The following SLC25A18 variants were observed in gnomAD, a reference collection of about 807,000 sequenced individuals.
SLC25A18 encodes mitochondrial glutamate carrier 2.
A neutral mutation model predicts 31.1 loss-of-function variants in SLC25A18; 24 were observed. That is an observed-to-expected ratio of 0.77 (90% CI 0.56 to 1.08). SLC25A18 has a LOEUF of 1.08. SLC25A18 is among the 50% of genes least tolerant of loss of function. The pLI is 0.00. For synonymous variants in SLC25A18, 173 were observed against 161.9 expected, an observed-to-expected ratio of 1.07 and a Z score of -0.52; for missense variants, 371 against 418.5, an observed-to-expected ratio of 0.89 and a Z score of 0.99.
chr22:17,563,744 C>T (rs2056864733), intron 1 of SLC25A18, 31 bp downstream of exon 1: 1 of 984,986 alleles, frequency 1.0e-6, no homozygotes, highest in South Asian at 4.7e-5. Context: ...CACCGTGAGC[C>T]TTGTACTTTG....
intron 10 of SLC25A18, 25 bp from the exon 11 acceptor site, chr22:17,590,070 C>T: frequency 6.2e-7 from 1 of 1,613,132 alleles, no homozygotes; most frequent in Non-Finnish European, 8.5e-7. Flanking sequence ...TGCCCATCAG[C>T]TCACTGGCTC....
chr22:17,576,118 C>G (rs1257974505), intron 2 of SLC25A18, among the ~76,000 whole-genome samples: 1 of 152,116 alleles, frequency 6.6e-6, no homozygotes, highest in Admixed American at 6.6e-5. Flanking sequence ...CTTTGGGAGG[C>G]TGAGGCGGGC....
intron 1 of SLC25A18, among the ~76,000 whole-genome samples, chr22:17,565,114 C>T (rs1041123524): frequency 6.6e-6 from 1 of 151,992 alleles, no homozygotes; most frequent in South Asian, 2.1e-4. Flanking sequence ...CAGTCTTGCT[C>T]TGTCACCCAG....
chr22:17,580,786 G>A (rs1204875007), intron 3 of SLC25A18: 1 of 1,261,998 alleles, frequency 7.9e-7, no homozygotes, highest in African/African-American at 1.5e-5. Context: ...GGCAGAGCTG[G>A]GCTCCTCCCA....
intron 7 of SLC25A18, 130 bp downstream of exon 7, chr22:17,583,664 C>T (rs1308126635): frequency 9.2e-6 from 12 of 1,304,310 alleles, no homozygotes; most frequent in Middle Eastern, 2.1e-4. Flanking sequence ...AAGTTTTTGG[C>T]CAGGCATGGT....
intron 8 of SLC25A18, 182 bp from the exon 9 acceptor site, chr22:17,587,742 TG>T: frequency 1.5e-6 from 1 of 681,058 alleles, no homozygotes; most frequent in Non-Finnish European, 2.4e-6. Flanking sequence ...GCGGAACAGA[TG>T]GCAACAGCTC....
At chr22:17,574,543 G>A (rs1296826787) in intron 2 of SLC25A18, among the ~76,000 whole-genome samples, 2 of 147,682 alleles carry the variant, frequency 1.4e-5, no homozygotes, top group Non-Finnish European at 3.0e-5. Flanking sequence ...TTGAGATGGA[G>A]TCTTGCTCTG....
In SLC25A18 at chr22:17,589,767, G is replaced by A. The variant is rs535882114; in HGVS notation, c.806+102G>A. ...GACCAACTTGAATTGCTGGGCTCTG[G>A]GTTTCTTTGAAGTCTGTCTTTCCCT... is the stretch of plus-strand genomic sequence containing the variant. On this transcript the variant is annotated intron_variant, in intron 10 of 10. Transcript: ENST00000327451. The A allele has an allele frequency of 3.8e-5, 43 of 1,145,610 alleles. No homozygotes were observed. In the African/African-American group the frequency reaches 5.7e-4, roughly 15 times the overall value. The allele number at this position is 1,145,610 out of a possible 1,614,324, so 71.0% of individuals were successfully genotyped here. A position where few individuals can be genotyped will look rare whatever the true frequency, so the allele number is the denominator to read the frequency against.
At chr22:17,584,637 A>G (rs1601332730) in intron 7 of SLC25A18, among the ~76,000 whole-genome samples, 1 of 146,836 alleles carries the variant, frequency 6.8e-6, no homozygotes, top group Admixed American at 6.8e-5. Flanking sequence ...AAAATTAGCC[A>G]GGCGTGGTGG....
At chr22:17,590,023 G>A in intron 10 of SLC25A18, 72 bp from the exon 11 acceptor site, 1 of 1,588,064 alleles carries the variant, frequency 6.3e-7, no homozygotes, top group Non-Finnish European at 8.6e-7. Flanking sequence ...TGCACAAATG[G>A]AGAGGCTGCC....
At chr22:17,573,804 A>G (rs2057158654) in intron 2 of SLC25A18, among the ~76,000 whole-genome samples, 4 of 151,864 alleles carry the variant, frequency 2.6e-5, no homozygotes, top group Admixed American at 1.3e-4. Context: ...CTTGTTCTCT[A>G]CCCCTTCTCC....
At position 17,583,380 on chromosome 22, in the gene SLC25A18, C is replaced by G. The variant is rs1347873013; in HGVS notation, c.291-36C>G. ...CAGCTGCACCAGGGCAGGCCTGTGG[C>G]CTGCGGCTGAAGGAGCCTGACGCCT... On this transcript the variant is annotated intron_variant, in intron 6 of 10. Coordinates refer to ENST00000327451, the MANE Select transcript of SLC25A18 (RefSeq NM_031481.3). 3.1e-6 allele frequency: 5 copies of G among 1,612,928 alleles called. No homozygotes were observed. The Middle Eastern group carries it at 5.1e-4, about 164-fold the overall frequency.
Position 17,590,502 on chromosome 22 carries a change from G to T in SLC25A18, c.*266G>T. ...TAACCACCTACTTTTCAACAAAAAT[G>T]GTACTTTCGTTGTATTAATTGCAGG... On this transcript the variant is annotated 3_prime_UTR_variant, in exon 11 of 11. Coordinates refer to ENST00000327451, the MANE Select transcript of SLC25A18 (RefSeq NM_031481.3). The T allele has an allele frequency of 2.7e-6, 1 of 372,886 alleles. No homozygotes were observed. The highest frequency in any genetic ancestry group is 2.0e-5 in the African/African-American group (1 of 50,064). The allele number at this position is 372,886 out of a possible 1,614,324, so 23.1% of individuals were successfully genotyped here.
chr22:17,590,156 G>A lies in SLC25A18; in HGVS notation c.868G>A (p.Val290Ile). 1 of 1,614,228 alleles carries A rather than the reference G, an allele frequency of 6.2e-7. No individual in the cohort carries two copies. The highest frequency in any genetic ancestry group is 8.5e-7 in the Non-Finnish European group (1 of 1,180,048). Residue 290 changes from valine to isoleucine, a missense_variant, in exon 11 of 11, where the codon GTC becomes ATC. Coordinates refer to ENST00000327451, the MANE Select transcript of SLC25A18 (RefSeq NM_031481.3). ...GAAAGGCGCTGGCTGCCGGGCACTG[G>A]TCATAGCACCTCTCTTTGGGATTGC... ...FMKGAGCRALVIAPLFGIAQG... is the reference protein window; with the variant it reads ...FMKGAGCRALIIAPLFGIAQG...
rs2057690433 is a variant in SLC25A18 at position 17,590,700 on chromosome 22, G to A, written c.*464G>A. On this transcript the variant is annotated 3_prime_UTR_variant, in exon 11 of 11. Transcript: ENST00000327451. Reference sequence around the variant, plus strand: ...AGGAAAAGGAGGATCAGAAGTTCAAGGGACCGTGAAAGCCCTCAGAGTCAG... The same window carrying A: ...AGGAAAAGGAGGATCAGAAGTTCAAAGGACCGTGAAAGCCCTCAGAGTCAG... 1 of 154,384 alleles carries A rather than the reference G, an allele frequency of 6.5e-6. No homozygotes were observed. Among genetic ancestry groups the A allele is most frequent in the African/African-American group, 2.4e-5 (1 of 41,480 alleles). The allele number at this position is 154,384 out of a possible 1,614,324, so 9.6% of individuals were successfully genotyped here. A position where few individuals can be genotyped will look rare whatever the true frequency, so the allele number is the denominator to read the frequency against.
chr22:17,577,566 T>C (rs2057260592), intron 2 of SLC25A18, among the ~76,000 whole-genome samples: 1 of 148,882 alleles, frequency 6.7e-6, no homozygotes, highest in African/African-American at 2.5e-5. Flanking sequence ...ACAGAAACAG[T>C]TGTGTCCTGT....
chr22:17,565,516 GACAC>G (rs2056913722), intron 1 of SLC25A18, among the ~76,000 whole-genome samples: 2 of 152,276 alleles, frequency 1.3e-5, no homozygotes, highest in South Asian at 2.1e-4. Flanking sequence ...TAGAACTACA[GACAC>G]ACACCGCAGC....
At chr22:17,575,698 G>A (rs1426425206) in intron 2 of SLC25A18, among the ~76,000 whole-genome samples, 1 of 152,232 alleles carries the variant, frequency 6.6e-6, no homozygotes, top group African/African-American at 2.4e-5. Flanking sequence ...TAGCAAGGGG[G>A]AAAGGGCAAG....
At chr22:17,584,465 GAGAGAGAAAGAA>G (rs1371836484) in intron 7 of SLC25A18, among the ~76,000 whole-genome samples, 3 of 137,282 alleles carry the variant, frequency 2.2e-5, no homozygotes, top group African/African-American at 6.0e-5. Context: ...GAGAGAGAGA[GAGAGAGAAAGAA>G]AGAAAGAAAG....
Sources: gnomAD v4.1 joint callset for allele counts (sites outside exome capture counted in the v4.1 genomes callset) on GRCh38, gnomAD v4.1.1 for gene constraint, MANE v1.5 for transcripts, NCBI Gene and HGNC (gene_info 2026-07-23, HGNC 2026-07-21) for gene names.